Variants in MAST4 observed in about 807,000 individuals in gnomAD.
MAST4 encodes microtubule-associated serine/threonine-protein kinase 4.
In MAST4, 89 loss-of-function variants were observed where a neutral mutation model predicts 162.7. The observed-to-expected ratio is 0.55, with a 90% CI of 0.46 to 0.65. MAST4 has a LOEUF of 0.65. MAST4 is among the 30% of genes least tolerant of loss of function. The probability of loss-of-function intolerance (pLI) is 0.00; values close to 1 mark genes in which losing one functional copy is unlikely to be tolerated. For missense variants in MAST4, 3,153 were observed against 3,374.0 expected, an observed-to-expected ratio of 0.93 and a Z score of 1.62; for synonymous variants, 1,479 against 1,361.1, an observed-to-expected ratio of 1.09 and a Z score of -1.91.
chr5:66,919,898 C>CCCCT (rs1764381718), intron 4 of MAST4, among the ~76,000 whole-genome samples: 2 of 112,186 alleles, frequency 1.8e-5, no homozygotes, highest in African/African-American at 7.3e-5. Flanking sequence ...ATTTTTCTCT[C>CCCCT]TCCTTCCTTC....
intron 1 of MAST4, among the ~76,000 whole-genome samples, chr5:66,676,504 G>T (rs1242902180): frequency 6.6e-6 from 1 of 152,158 alleles, no homozygotes; most frequent in African/African-American, 2.4e-5. Flanking sequence ...TATCTTCATG[G>T]GGTTAGTGAA....
chr5:67,069,362 T>G (rs1446882345), intron 5 of MAST4, among the ~76,000 whole-genome samples: 1 of 148,568 alleles, frequency 6.7e-6, no homozygotes, highest in East Asian at 2.0e-4. Context: ...TTCTAGTTCT[T>G]TGGCTTTAAA....
intron 8 of MAST4, 51 bp downstream of exon 8, chr5:67,100,643 A>T (rs1416808666): frequency 1.9e-6 from 3 of 1,609,562 alleles, no homozygotes; most frequent in Admixed American, 3.3e-5. Flanking sequence ...TCTATTTTCA[A>T]ACATTTTGAG....
intron 1 of MAST4, among the ~76,000 whole-genome samples, chr5:66,725,909 T>C (rs1561288421): frequency 6.6e-6 from 1 of 152,186 alleles, no homozygotes; most frequent in East Asian, 1.9e-4. Context: ...TGAGCAAGTA[T>C]TTTTTGAGTG....
intron 1 of MAST4, among the ~76,000 whole-genome samples, chr5:66,625,929 T>C (rs1274293886): frequency 6.6e-6 from 1 of 152,200 alleles, no homozygotes; most frequent in African/African-American, 2.4e-5. Flanking sequence ...TATATATGTG[T>C]ACAATGGAAT....
chr5:67,014,540 G>A (rs192008860), intron 4 of MAST4, among the ~76,000 whole-genome samples: 8 of 152,286 alleles, frequency 5.3e-5, no homozygotes, highest in East Asian at 1.9e-4. Context: ...AAAAGTTGCC[G>A]TATTTTTACT....
chr5:66,751,729 T>A (rs1753185801), intron 1 of MAST4, among the ~76,000 whole-genome samples: 1 of 150,630 alleles, frequency 6.6e-6, no homozygotes, highest in African/African-American at 2.5e-5. Flanking sequence ...TGCAGGATAT[T>A]ATCCAGGAGA....
intron 1 of MAST4, among the ~76,000 whole-genome samples, chr5:66,750,610 G>GGA (rs1197668753): frequency 7.9e-5 from 12 of 152,210 alleles, no homozygotes; most frequent in Non-Finnish European, 1.8e-4. Flanking sequence ...CGGCGCACCA[G>GGA]GAGATTATAT....
chr5:66,902,745 A>C, intron 4 of MAST4: 1 of 463,418 alleles, frequency 2.2e-6, no homozygotes, highest in South Asian at 1.6e-5. Context: ...AGGTAACTCC[A>C]GATCACTTTT....
At chr5:67,109,951 T>A (rs1042730187) in intron 10 of MAST4, 147 bp from the exon 11 acceptor site, 3 of 583,550 alleles carry the variant, frequency 5.1e-6, no homozygotes, top group Non-Finnish European at 6.2e-6. Flanking sequence ...ATACAGATAA[T>A]GTCTGTTTAT....
chr5:66,956,830 A>T (rs1485470693), intron 4 of MAST4, among the ~76,000 whole-genome samples: 1 of 152,170 alleles, frequency 6.6e-6, no homozygotes, highest in Non-Finnish European at 1.5e-5. Flanking sequence ...TCTGGAGTTT[A>T]TGTGGTCACC....
chr5:66,883,984 T>C (rs1349648818), intron 3 of MAST4, among the ~76,000 whole-genome samples: 1 of 152,214 alleles, frequency 6.6e-6, no homozygotes, highest in Non-Finnish European at 1.5e-5. Context: ...ACCTGCCTCT[T>C]TCATCGTAGC....
chr5:66,732,789 T>TTCTC (rs1751933592), intron 1 of MAST4, among the ~76,000 whole-genome samples: 1 of 152,166 alleles, frequency 6.6e-6, no homozygotes, highest in African/African-American at 2.4e-5. Flanking sequence ...GTAGATTGGA[T>TTCTC]GAGATCCATG....
intron 19 of MAST4, among the ~76,000 whole-genome samples, chr5:67,138,337 AT>A (rs1347586702): frequency 2.6e-5 from 4 of 152,094 alleles, no homozygotes; most frequent in Admixed American, 1.3e-4. Flanking sequence ...AACTGACATG[AT>A]TTTTTATTCT....
At chr5:67,049,025 A>ACACG (rs1757764512) in intron 4 of MAST4, among the ~76,000 whole-genome samples, 4 of 69,066 alleles carry the variant, frequency 5.8e-5, no homozygotes, top group African/African-American at 2.6e-4. Flanking sequence ...ATATATACGT[A>ACACG]TATATATATA....
chr5:67,058,592 C>G (rs1421159833), intron 5 of MAST4, among the ~76,000 whole-genome samples: 2 of 152,118 alleles, frequency 1.3e-5, no homozygotes, highest in Non-Finnish European at 2.9e-5. Context: ...ATAGTTGTTA[C>G]AAAGAACAAG....
chr5:66,768,687 C>T (rs1167731048), intron 2 of MAST4, among the ~76,000 whole-genome samples: 1 of 151,918 alleles, frequency 6.6e-6, no homozygotes, highest in African/African-American at 2.4e-5. Flanking sequence ...CATGAGGGAT[C>T]CTTGCGATGA....
intron 4 of MAST4, among the ~76,000 whole-genome samples, chr5:66,927,970 T>C (rs1009963323): frequency 9.9e-5 from 15 of 152,214 alleles, no homozygotes; most frequent in Admixed American, 3.3e-4. Context: ...TCTGCTTTTA[T>C]CTTTACATGA....
rs566960344 is a variant in MAST4, at chr5:67,051,958, A to G, written c.675-2446A>G. ...AAGTTCCAAGTCTGTTGTAATTTTA[A>G]TATCATCTCTAGCTTCATGTTGAAA... On this transcript the variant is annotated intron_variant, in intron 4 of 28. Coordinates refer to ENST00000403625, the MANE Select transcript of MAST4 (RefSeq NM_001164664.2). Among the ~76,000 whole-genome samples, 8 of 152,314 alleles carry G rather than the reference A, an allele frequency of 5.3e-5. No individual in the cohort carries two copies. The East Asian group carries it at 1.4e-3, about 26-fold the overall frequency.
Sources: allele counts gnomAD v4.1 joint callset (sites outside exome capture counted in the v4.1 genomes callset), GRCh38; gene constraint gnomAD v4.1.1; transcripts MANE v1.5; gene names NCBI Gene and HGNC (gene_info 2026-07-23, HGNC 2026-07-21).